ARHGAP8: variants seen among roughly 807,000 people sequenced by gnomAD.
ARHGAP8 encodes the protein rho GTPase-activating protein 8.
Under a neutral mutation model 46.1 loss-of-function variants are expected in ARHGAP8, and 62 were observed. The ratio of observed to expected loss-of-function variants is 1.34; its 90% CI spans 1.10 to 1.66. The LOEUF is 1.66. Among genes scored for constraint, ARHGAP8 ranks in the 40% most tolerant of loss-of-function variants. The pLI is 0.00. For missense variants in ARHGAP8, 923 were observed against 568.4 expected, an observed-to-expected ratio of 1.62 and a Z score of -6.34; for synonymous variants, 375 against 243.1, an observed-to-expected ratio of 1.54 and a Z score of -5.05.
At chr22:44,856,461 A>G (rs2070227691) in intron 10 of ARHGAP8, among the ~76,000 whole-genome samples, 1 of 151,648 alleles carries the variant, frequency 6.6e-6, no homozygotes, top group African/African-American at 2.4e-5. Context: ...TTTAGTAGAG[A>G]CGGGGTTTCA....
chr22:44,806,726 G>A (rs956815388), intron 3 of ARHGAP8, among the ~76,000 whole-genome samples: 1 of 151,914 alleles, frequency 6.6e-6, no homozygotes, highest in Non-Finnish European at 1.5e-5. Context: ...AGGCCGAGGC[G>A]GGTGGATCAC....
intron 1 of ARHGAP8, among the ~76,000 whole-genome samples, chr22:44,772,953 G>A (rs1926150246): frequency 6.6e-6 from 1 of 151,828 alleles, no homozygotes; most frequent in Non-Finnish European, 1.5e-5. Flanking sequence ...CAAGTAGCTG[G>A]AACTACAAGT....
intron 11 of ARHGAP8, 78 bp from the exon 12 acceptor site, chr22:44,862,193 TCTCC>T (rs1213469954): frequency 4.0e-6 from 6 of 1,498,878 alleles, no homozygotes; most frequent in Non-Finnish European, 5.4e-6. Context: ...CACCTACGCC[TCTCC>T]CTAAGTTCGG....
At chr22:44,846,713 C>G (rs890447987) in intron 8 of ARHGAP8, among the ~76,000 whole-genome samples, 2 of 152,210 alleles carry the variant, frequency 1.3e-5, no homozygotes, top group Non-Finnish European at 2.9e-5. Flanking sequence ...CCATCATTCA[C>G]TCATTCACTT....
chr22:44,859,663 C>T (rs764538826), intron 10 of ARHGAP8, 68 bp from the exon 11 acceptor site: 32 of 1,563,834 alleles, frequency 2.0e-5, no homozygotes, highest in Non-Finnish European at 2.4e-5. Context: ...CTGTTCTCCT[C>T]CCGGGCCGGG....
At chr22:44,799,370 C>T (rs998605262) in intron 2 of ARHGAP8, among the ~76,000 whole-genome samples, 5 of 152,220 alleles carry the variant, frequency 3.3e-5, no homozygotes, top group African/African-American at 7.2e-5. Flanking sequence ...GTCCACAGAC[C>T]GGCCAGAGGG....
chr22:44,804,038 G>A (rs1445126699), intron 3 of ARHGAP8, among the ~76,000 whole-genome samples: 4 of 151,222 alleles, frequency 2.6e-5, no homozygotes, highest in South Asian at 2.1e-4. Context: ...AGTCTTGAGC[G>A]TGGGCCCGGG....
chr22:44,846,469 G>A (rs1427772980), intron 8 of ARHGAP8, among the ~76,000 whole-genome samples: 1 of 152,196 alleles, frequency 6.6e-6, no homozygotes, highest in Non-Finnish European at 1.5e-5. Flanking sequence ...GCGGGGGCCT[G>A]GGAGACCATC....
intron 1 of ARHGAP8, among the ~76,000 whole-genome samples, chr22:44,755,485 G>C (rs953341148): frequency 6.6e-6 from 1 of 152,196 alleles, no homozygotes; most frequent in African/African-American, 2.4e-5. Flanking sequence ...GATGCATCAC[G>C]TGTGTCCAGA....
At chr22:44,786,392 G>A in intron 1 of ARHGAP8, 65 bp from the exon 2 acceptor site, 1 of 1,526,986 alleles carries the variant, frequency 6.5e-7, no homozygotes, top group Middle Eastern at 1.8e-4. Flanking sequence ...AAGGCATCAG[G>A]AGGCTCCCTC....
intron 1 of ARHGAP8, among the ~76,000 whole-genome samples, chr22:44,771,242 ATTTT>A (rs368256843): frequency 1.8e-5 from 2 of 108,320 alleles, no homozygotes; most frequent in Non-Finnish European, 3.6e-5. Flanking sequence ...TTGCAAGTAA[ATTTT>A]TTTTTTTTTT....
chr22:44,827,336 G>GTTCTTTTTTTTTTTTT (rs1930595169), intron 7 of ARHGAP8, among the ~76,000 whole-genome samples: 1 of 67,258 alleles, frequency 1.5e-5, no homozygotes. Flanking sequence ...TTGGGTGGTG[G>GTTCTTTTTTTTTTTTT]TTTTTTTTTT....
chr22:44,753,021 C>T (rs1924370566), intron 1 of ARHGAP8, among the ~76,000 whole-genome samples: 1 of 151,826 alleles, frequency 6.6e-6, no homozygotes, highest in Admixed American at 6.6e-5. Context: ...CCTGGGGTCT[C>T]AGGTTAGGTC....
intron 1 of ARHGAP8, among the ~76,000 whole-genome samples, chr22:44,779,105 T>TC (rs1981382245): frequency 6.6e-6 from 1 of 150,790 alleles, no homozygotes; most frequent in Non-Finnish European, 1.5e-5. Context: ...GACTTTTTTT[T>TC]TTTTTTTTTT....
Sources: gnomAD v4.1 joint callset for allele counts (sites outside exome capture counted in the v4.1 genomes callset) on GRCh38, gnomAD v4.1.1 for gene constraint, MANE v1.5 for transcripts, NCBI Gene and HGNC (gene_info 2026-07-23, HGNC 2026-07-21) for gene names.